Variants in ANLN observed in about 807,000 individuals in gnomAD.
The protein encoded by ANLN is anillin.
ANLN carries 59 observed loss-of-function variants against 135.1 expected under a neutral mutation model. The ratio of observed to expected loss-of-function variants is 0.44; its 90% CI spans 0.35 to 0.54. ANLN has a LOEUF of 0.54. Ranked by LOEUF, ANLN falls within the 20% of genes least tolerant of loss-of-function variation. The probability of loss-of-function intolerance (pLI) is 0.00; values close to 1 mark genes in which losing one functional copy is unlikely to be tolerated. For synonymous variants in ANLN, 406 were observed against 456.4 expected (o/e 0.89, Z 1.41); for missense variants, 1,182 against 1,340.0 (o/e 0.88, Z 1.84).
chr7:36,398,970 A>G (rs145481038), intron 2 of ANLN, 109 bp from the exon 3 acceptor site: 135 of 834,942 alleles, frequency 1.6e-4, no homozygotes, highest in Non-Finnish European at 2.4e-4. Context: ...AAATCATTTA[A>G]AAGAATAGGG....
rs768601706 is a variant in ANLN at position 36,423,876 on chromosome 7, A to G, written c.2536A>G (p.Thr846Ala). Residue 846 changes from threonine (T) to alanine (A), a missense_variant, in exon 15 of 24, where the codon ACA (threonine) becomes GCA (alanine). Coordinates refer to ENST00000265748, the MANE Select transcript of ANLN (RefSeq NM_018685.5). The part of the protein sequence containing the change: ...LKAGAENMVA[T>A]PLASTSNSLN... ...AGCAGGAGCTGAAAATATGGTAGCC[A>G]CACCATTAGCAAGTACTTCAAACTC... 1 of 1,612,706 alleles carries G rather than the reference A, an allele frequency of 6.2e-7. No homozygotes were observed. Among genetic ancestry groups the G allele is most frequent in the Non-Finnish European group, 8.5e-7 (1 of 1,179,222 alleles).
rs10480141 is a variant in ANLN, at chr7:36,423,033, A to G, written c.2476+224A>G. ...TTGCTCTTACTGAAAGTTTGAATAT[A>G]AAGTTTTATTAAATGTTGGATATGG... is the stretch of plus-strand genomic sequence containing the variant. On this transcript the variant is annotated intron_variant, in intron 14 of 23. Transcript: ENST00000265748. Among the ~76,000 whole-genome samples the G allele has an allele frequency of 0.24, 36,021 of 152,160 alleles. 4,400 individuals are homozygous for G. The highest frequency in any genetic ancestry group is 0.43 in the East Asian group (2,204 of 5,168).
At position 36,417,141 on chromosome 7, in the gene ANLN, G is replaced by C. The variant is rs760851463; in HGVS notation, c.1584G>C (p.Glu528Asp). The C allele has an allele frequency of 1.4e-5, 22 of 1,609,410 alleles. No individual in the cohort carries two copies. Among genetic ancestry groups the C allele is most frequent in the Non-Finnish European group, 1.8e-5 (21 of 1,178,424 alleles). Reference sequence around the variant, plus strand: ...TGAAAATAACATTGTTTTTAGAAGAGGACAAATCCTTAAAAGTAACATCAG... The same window carrying C: ...TGAAAATAACATTGTTTTTAGAAGACGACAAATCCTTAAAAGTAACATCAG... ...SPLKITLFLE[E>D]DKSLKVTSDP... The change falls in exon 9 of 24, where the codon GAG becomes GAC. Residue 528 changes from glutamate to aspartate, a missense_variant. This residue lies in a region of ANLN where 1,022 missense variants were observed against 1,134.0 expected (regional missense o/e 0.90). Transcript: ENST00000265748.
chr7:36,435,440 C>T (rs769569973), intron 20 of ANLN, among the ~76,000 whole-genome samples: 2 of 151,768 alleles, frequency 1.3e-5, no homozygotes, highest in African/African-American at 4.8e-5. Context: ...TGGGCTCAAG[C>T]GATCCTCTTG....
rs1365509424 is a variant in ANLN at position 36,417,061 on chromosome 7, C to G, written c.1523-19C>G. ...AGGTTCTTATATATATTAATATGGTCTTTCTTAAACATTTTTAGGTTTCAC... is the reference window on the plus strand; with the variant it reads ...AGGTTCTTATATATATTAATATGGTGTTTCTTAAACATTTTTAGGTTTCAC... On this transcript the variant is annotated intron_variant, in intron 8 of 23. Transcript: ENST00000265748. 1.4e-6 allele frequency: 2 copies of G among 1,391,562 alleles called. No individual in the cohort carries two copies. Among genetic ancestry groups the G allele is most frequent in the Non-Finnish European group, 2.0e-6 (2 of 1,001,226 alleles). 86.2% of individuals were successfully genotyped at this position (1,391,562 alleles called of 1,614,324 possible). A position where few individuals can be genotyped will look rare whatever the true frequency, so the allele number is the denominator to read the frequency against.
chr7:36,432,011 A>G (rs1347055941), intron 20 of ANLN, among the ~76,000 whole-genome samples: 2 of 152,128 alleles, frequency 1.3e-5, no homozygotes, highest in African/African-American at 2.4e-5. Context: ...CAGAAGTTCA[A>G]TACCAGCCTG....
chr7:36,437,348 T>C (rs1255924864), intron 20 of ANLN, among the ~76,000 whole-genome samples: 2 of 152,278 alleles, frequency 1.3e-5, no homozygotes, highest in Non-Finnish European at 2.9e-5. Flanking sequence ...TTGTTCATGT[T>C]GTAGCATATG....
intron 4 of ANLN, among the ~76,000 whole-genome samples, chr7:36,406,957 C>T (rs1311919674): frequency 1.3e-5 from 2 of 152,070 alleles, no homozygotes; most frequent in Non-Finnish European, 2.9e-5. Flanking sequence ...AAAATAGTAG[C>T]TATAGTTGCC....
At position 36,426,041 on chromosome 7, in the gene ANLN, G is replaced by A; in HGVS notation, c.2770+5G>A. ...AAAGCAACATTCATTCTTCAGGTGAGTGTATCTTGAACTATTTGAAACTTT... is the reference window on the plus strand; with the variant it reads ...AAAGCAACATTCATTCTTCAGGTGAATGTATCTTGAACTATTTGAAACTTT... On this transcript the variant is annotated splice_donor_5th_base_variant and intron_variant, in intron 19 of 23. Transcript: ENST00000265748. The A allele has an allele frequency of 6.7e-7, 1 of 1,496,162 alleles. No individual in the cohort carries two copies. The highest frequency in any genetic ancestry group is 1.4e-5 in the African/African-American group (1 of 69,704). The allele number at this position is 1,496,162 out of a possible 1,614,324, so 92.7% of individuals were successfully genotyped here.
At chr7:36,395,477 G>A (rs1404034861) in intron 1 of ANLN, among the ~76,000 whole-genome samples, 2 of 152,102 alleles carry the variant, frequency 1.3e-5, no homozygotes, top group African/African-American at 4.8e-5. Flanking sequence ...TGTTGGGCCT[G>A]ACCAGATAAT....
chr7:36,448,933 A>G (rs1789125854), intron 22 of ANLN: 4 of 152,220 alleles, frequency 2.6e-5, no homozygotes. Flanking sequence ...AATAGATCAT[A>G]TTATACTTTC....
chr7:36,404,849 G>T (rs1033345944), intron 3 of ANLN, among the ~76,000 whole-genome samples: 1 of 152,182 alleles, frequency 6.6e-6, no homozygotes, highest in Non-Finnish European at 1.5e-5. Context: ...GCTGGACAAA[G>T]ATTCATATCC....
rs750224654 is a variant in ANLN, at chr7:36,407,881, A to G, written c.1021A>G (p.Thr341Ala). The change falls in exon 5 of 24, where the codon ACA becomes GCA. Residue 341 changes from threonine to alanine, a missense_variant. By Grantham distance (58) the Thr-to-Ala change is moderately conservative. Transcript: ENST00000265748. The stretch of plus-strand genomic sequence containing the variant: ...AATTGTGAAGTCAACTTTATCCCAG[A>G]CAGTTCCATCCAAGGGAGAATTAAG... ...KPIVKSTLSQ[T>A]VPSKGELSRE... 1.4e-5 allele frequency: 23 copies of G among 1,613,904 alleles called. No individual in the cohort carries two copies. The South Asian group carries it at 2.5e-4, about 18-fold the overall frequency.
intron 20 of ANLN, chr7:36,428,361 G>T (rs1562809900): frequency 6.2e-6 from 8 of 1,283,360 alleles, no homozygotes; most frequent in Non-Finnish European, 7.1e-6. Flanking sequence ...CCAGGAAAAG[G>T]TTGCCATTAT....
chr7:36,417,053 A>T, intron 8 of ANLN, 27 bp from the exon 9 acceptor site: 1 of 1,246,866 alleles, frequency 8.0e-7, no homozygotes, highest in Non-Finnish European at 1.1e-6. Flanking sequence ...TATATATATT[A>T]ATATGGTCTT....
chr7:36,419,253 G>T lies in ANLN; in HGVS notation c.1643G>T (p.Arg548Leu). Residue 548 changes from arginine (R) to leucine (L), a missense_variant, in exon 10 of 24, where the codon CGT becomes CTT. Transcript: ENST00000265748. ...TTGAAATATTTTTCAGAAGTGATAC[G>T]TGAAATTGAGATGAGTGTGGATGAT... ...PKVEQKIEVI[R>L]EIEMSVDDDD... The T allele has an allele frequency of 1.2e-6, 2 of 1,612,326 alleles. No homozygotes were observed. Among genetic ancestry groups the T allele is most frequent in the South Asian group, 1.1e-5 (1 of 90,952 alleles).
chr7:36,430,459 CA>C (rs1344556993), intron 20 of ANLN, among the ~76,000 whole-genome samples: 1 of 152,160 alleles, frequency 6.6e-6, no homozygotes, highest in Non-Finnish European at 1.5e-5. Context: ...GTCAGACTTT[CA>C]AACCCTTTCT....
At chr7:36,405,971 GT>G (rs941645663) in intron 3 of ANLN, among the ~76,000 whole-genome samples, 1 of 151,638 alleles carries the variant, frequency 6.6e-6, no homozygotes, top group Non-Finnish European at 1.5e-5. Context: ...AGATCTAATA[GT>G]TTTTTTTTAA....
At chr7:36,441,328 A>G (rs1257916213) in intron 21 of ANLN, among the ~76,000 whole-genome samples, 1 of 152,178 alleles carries the variant, frequency 6.6e-6, no homozygotes, top group African/African-American at 2.4e-5. Flanking sequence ...TTCTTCTCAC[A>G]TTCACACTTA....
Sources: allele counts gnomAD v4.1 joint callset (sites outside exome capture counted in the v4.1 genomes callset), GRCh38; gene constraint gnomAD v4.1.1; regional missense constraint gnomAD v4.1.1; transcripts MANE v1.5; gene names NCBI Gene and HGNC (gene_info 2026-07-23, HGNC 2026-07-21).